RABEP1: variants seen among roughly 807,000 people sequenced by gnomAD.
RABEP1 encodes rab GTPase-binding effector protein 1.
In RABEP1, 51 loss-of-function variants were observed where a neutral mutation model predicts 123.4. That is an observed-to-expected ratio of 0.41 (90% CI 0.33 to 0.52). The LOEUF (loss-of-function observed/expected upper bound fraction) is 0.52. Ranked by LOEUF, RABEP1 falls within the 20% of genes least tolerant of loss-of-function variation. RABEP1 has a pLI of 0.16. For synonymous variants in RABEP1, 347 were observed against 355.2 expected (o/e 0.98, Z 0.26); for missense variants, 888 against 996.3 (o/e 0.89, Z 1.46).
At position 5,381,421 on chromosome 17, in the gene RABEP1, G is replaced by A. The variant is rs746646803; in HGVS notation, c.2403G>A (p.Lys801=). ...ATVEQLMFEE[K]NKAQRLQTEL... The stretch of plus-strand genomic sequence containing the variant: ...TTGAACAACTAATGTTTGAAGAGAA[G>A]AATAAAGCTCAGAGATTACAGACAG... The change falls in exon 17 of 18, where the codon AAG becomes AAA. Residue 801 remains lysine, a synonymous_variant. Transcript: ENST00000537505. The A allele has an allele frequency of 6.2e-7, 1 of 1,613,524 alleles. No individual in the cohort carries two copies. The highest frequency in any genetic ancestry group is 1.1e-5 in the South Asian group (1 of 90,958).
intron 1 of RABEP1, among the ~76,000 whole-genome samples, chr17:5,293,746 C>G (rs558239362): frequency 5.9e-5 from 9 of 152,256 alleles, no homozygotes; most frequent in African/African-American, 2.2e-4. Context: ...TAAAATTTCA[C>G]TTGGACAAAC....
chr17:5,377,222 A>G lies in RABEP1; in HGVS notation c.2132A>G (p.Glu711Gly). 4.3e-6 allele frequency: 7 copies of G among 1,612,678 alleles called. No individual in the cohort carries two copies. Among genetic ancestry groups the G allele is most frequent in the Non-Finnish European group, 5.9e-6 (7 of 1,179,740 alleles). ...AAGGCTGAGATACTTTTCCTAAAAG[A>G]GCAGATCCAAGCAGAACAGTGTTTA... is the stretch of plus-strand genomic sequence containing the variant. ...KLKAEILFLKEQIQAEQCLKE... is the reference protein window; with the variant it reads ...KLKAEILFLKGQIQAEQCLKE... Residue 711 changes from glutamate (E) to glycine (G), a missense_variant, in exon 14 of 18, where the codon GAG (glutamate) becomes GGG (glycine). Transcript: ENST00000537505.
At chr17:5,306,221 G>C (rs189518223) in intron 1 of RABEP1, among the ~76,000 whole-genome samples, 1 of 152,212 alleles carries the variant, frequency 6.6e-6, no homozygotes, top group East Asian at 1.9e-4. Flanking sequence ...CTAACAGAAA[G>C]CCTATTGTTG....
At chr17:5,349,441 G>A (rs1015803042) in intron 6 of RABEP1, among the ~76,000 whole-genome samples, 1 of 152,212 alleles carries the variant, frequency 6.6e-6, no homozygotes, top group Non-Finnish European at 1.5e-5. Context: ...GGCTTGGGTG[G>A]CTTGGTAGAT....
chr17:5,356,879 CA>C (rs1160552513), intron 8 of RABEP1, among the ~76,000 whole-genome samples: 1 of 134,194 alleles, frequency 7.5e-6, no homozygotes, highest in African/African-American at 2.9e-5. Flanking sequence ...TTTCTATTTG[CA>C]CTTTTTTTTT....
chr17:5,310,396 C>A (rs1258758526), intron 2 of RABEP1, among the ~76,000 whole-genome samples: 1 of 147,908 alleles, frequency 6.8e-6, no homozygotes, highest in Non-Finnish European at 1.5e-5. Flanking sequence ...CTCACTACAA[C>A]CTCCGCCTCC....
intron 2 of RABEP1, among the ~76,000 whole-genome samples, chr17:5,314,127 G>A (rs2075271250): frequency 6.6e-6 from 1 of 151,972 alleles, no homozygotes. Flanking sequence ...TGTTGTCATA[G>A]CTGTGTTTGC....
intron 2 of RABEP1, among the ~76,000 whole-genome samples, chr17:5,310,105 C>T (rs149157557): frequency 0.014 from 2,123 of 152,250 alleles, 29 homozygotes; most frequent in Non-Finnish European, 0.018. Context: ...ACTGCTAGTT[C>T]AAGTACTACA....
intron 1 of RABEP1, among the ~76,000 whole-genome samples, chr17:5,291,195 G>C (rs188599332): frequency 6.6e-6 from 1 of 152,088 alleles, no homozygotes; most frequent in Admixed American, 6.6e-5. Flanking sequence ...TGGACCACGC[G>C]GTCAGGACTT....
At chr17:5,381,666 G>A in intron 17 of RABEP1, 161 bp downstream of exon 17, 2 of 1,285,872 alleles carry the variant, frequency 1.6e-6, no homozygotes, top group African/African-American at 1.5e-5. Context: ...CCAGAAACCT[G>A]GTGTGTTCTT....
chr17:5,359,230 C>T (rs1022743981), intron 8 of RABEP1, among the ~76,000 whole-genome samples: 12 of 152,026 alleles, frequency 7.9e-5, no homozygotes, highest in Non-Finnish European at 1.2e-4. Flanking sequence ...CCTGCCACCA[C>T]GCCTGGCTAA....
chr17:5,377,050 A>T, intron 13 of RABEP1, 66 bp from the exon 14 acceptor site: 1 of 1,477,804 alleles, frequency 6.8e-7, no homozygotes, highest in Non-Finnish European at 9.1e-7. Flanking sequence ...GGTTACAGAA[A>T]ATCTTTAGCT....
rs1219708446 is a variant in RABEP1 at position 5,282,311 on chromosome 17, G to A, written c.-176G>A. On this transcript the variant is annotated 5_prime_UTR_variant, in exon 1 of 18. Transcript: ENST00000537505. ...CAGGATGAGGAGGCGGAGGTCGGCG[G>A]TCGGGTCCGTCTCTGCCCGCGGCTG... 1.4e-5 allele frequency: 6 copies of A among 431,232 alleles called. No homozygotes were observed. Among genetic ancestry groups the A allele is most frequent in the African/African-American group, 2.0e-5 (1 of 48,966 alleles). 26.7% of individuals were successfully genotyped at this position (431,232 alleles called of 1,614,324 possible).
chr17:5,314,220 T>C (rs2075272171), intron 2 of RABEP1, among the ~76,000 whole-genome samples: 1 of 151,128 alleles, frequency 6.6e-6, no homozygotes, highest in Non-Finnish European at 1.5e-5. Context: ...CCTGTTCTTT[T>C]CTTAGTACCT....
intron 1 of RABEP1, among the ~76,000 whole-genome samples, chr17:5,284,345 T>G (rs1055938738): frequency 1.3e-5 from 2 of 152,218 alleles, no homozygotes; most frequent in Non-Finnish European, 2.9e-5. Flanking sequence ...TTGCATAGAT[T>G]GCAATTTTTA....
At chr17:5,309,664 A>AG (rs1305495589) in intron 2 of RABEP1, among the ~76,000 whole-genome samples, 1 of 151,994 alleles carries the variant, frequency 6.6e-6, no homozygotes, top group African/African-American at 2.4e-5. Flanking sequence ...CAAAAAAAAA[A>AG]AAAAAAGAAA....
intron 2 of RABEP1, among the ~76,000 whole-genome samples, chr17:5,329,368 A>AG (rs1906295312): frequency 1.3e-5 from 2 of 152,074 alleles, no homozygotes; most frequent in East Asian, 3.9e-4. Context: ...CGTCTCTACT[A>AG]AAAAATACAA....
At chr17:5,286,191 G>A (rs1298198523) in intron 1 of RABEP1, among the ~76,000 whole-genome samples, 1 of 152,072 alleles carries the variant, frequency 6.6e-6, no homozygotes, top group Admixed American at 6.6e-5. Context: ...TGTGTCTTTT[G>A]ATTAAAAAAA....
At chr17:5,323,741 AATATATATATATCTAGGAAT>A (rs71151865) in intron 2 of RABEP1, among the ~76,000 whole-genome samples, 184 of 60,726 alleles carry the variant, frequency 3.0e-3, no homozygotes, top group South Asian at 6.7e-3. Context: ...TATATCTAGG[AATATATATATATCTAGGAAT>A]ATATATATAT....
Sources: allele counts gnomAD v4.1 joint callset (sites outside exome capture counted in the v4.1 genomes callset), GRCh38; gene constraint gnomAD v4.1.1; transcripts MANE v1.5; gene names NCBI Gene and HGNC (gene_info 2026-07-23, HGNC 2026-07-21).